PDP1: variants seen among roughly 807,000 people sequenced by gnomAD.
PDP1 encodes pyruvate dehyrogenase phosphatase catalytic subunit 1.
Under a neutral mutation model 37.1 loss-of-function variants are expected in PDP1, and 14 were observed. That is an observed-to-expected ratio of 0.38 (90% CI 0.25 to 0.59). The LOEUF (loss-of-function observed/expected upper bound fraction) is 0.59. Among genes scored for constraint, PDP1 ranks in the 20% least tolerant of loss-of-function variants. The pLI is 0.67. For synonymous variants in PDP1, 251 were observed against 243.3 expected (o/e 1.03, Z -0.29); for missense variants, 544 against 655.3 (o/e 0.83, Z 1.85).
chr8:93,918,754 T>G (rs1224683504), intron 1 of PDP1, among the ~76,000 whole-genome samples: 2 of 152,230 alleles, frequency 1.3e-5, no homozygotes, highest in Non-Finnish European at 2.9e-5. Context: ...GCAAAAGTTA[T>G]GATGTAGAGT....
Position 93,923,331 on chromosome 8 carries a change from G to A in PDP1, c.1272G>A (p.Met424Ile). Residue 424 changes from methionine to isoleucine, a missense_variant, in exon 2 of 2, where the codon ATG (methionine) becomes ATA (isoleucine). Physicochemically the swap from Met to Ile is conservative, Grantham distance 10. This residue lies in a region of PDP1 where 159 missense variants were observed against 165.5 expected (regional missense o/e 0.96). Transcript: ENST00000297598. The surrounding 1 kb of genome is among the most constrained non-coding windows in gnomAD (Gnocchi z 4.3). ...VLATDGLWET[M>I]HRQDVVRIVG... Reference sequence around the variant, plus strand: ...CTACTGATGGGTTGTGGGAGACTATGCATAGGCAGGATGTGGTTAGGATTG... The same window carrying A: ...CTACTGATGGGTTGTGGGAGACTATACATAGGCAGGATGTGGTTAGGATTG... 1 of 1,614,212 alleles carries A rather than the reference G, an allele frequency of 6.2e-7. No individual in the cohort carries two copies. The highest frequency in any genetic ancestry group is 1.1e-5 in the South Asian group (1 of 91,080).
chr8:93,917,295 G>C (rs1250998778), intron 1 of PDP1: 2 of 151,328 alleles, frequency 1.3e-5, no homozygotes, highest in African/African-American at 4.9e-5. Context: ...GCGGGGGCGG[G>C]GGCGCCGTGC....
Position 93,923,395 on chromosome 8 carries a change from A to G in PDP1, c.1336A>G (p.Ile446Val), listed in dbSNP as rs1271089455. ...AACTGGCATGCATCACCAACAGCCAATAGCTGTTGGTGGCTACAAGGTGAC... is the reference window on the plus strand; with the variant it reads ...AACTGGCATGCATCACCAACAGCCAGTAGCTGTTGGTGGCTACAAGGTGAC... Reference protein sequence around the residue: ...YLTGMHHQQPIAVGGYKVTLG... With the variant: ...YLTGMHHQQPVAVGGYKVTLG... Residue 446 changes from isoleucine (I) to valine (V), a missense_variant, in exon 2 of 2, where the codon ATA becomes GTA. By Grantham distance (29) the Ile-to-Val change is conservative (BLOSUM62 3). Coordinates refer to ENST00000297598, the MANE Select transcript of PDP1 (RefSeq NM_018444.4). The surrounding 1 kb of genome is among the most constrained non-coding windows in gnomAD (Gnocchi z 4.3). 1.2e-5 allele frequency: 19 copies of G among 1,609,056 alleles called. No homozygotes were observed. Among genetic ancestry groups the G allele is most frequent in the African/African-American group, 4.0e-5 (3 of 74,710 alleles).
chr8:93,919,031 C>G (rs1192575292), intron 1 of PDP1: 4 of 297,156 alleles, frequency 1.3e-5, no homozygotes, highest in Non-Finnish European at 2.0e-5. Context: ...TGTACTAAGC[C>G]TCTGCATAAC....
chr8:93,917,114 C>T (rs549284239), intron 1 of PDP1, 35 bp downstream of exon 1: 4 of 457,200 alleles, frequency 8.7e-6, no homozygotes, highest in African/African-American at 4.2e-5. Context: ...CGAGCCGCCC[C>T]GTCCGGGATC....
chr8:93,917,630 C>A, intron 1 of PDP1: 1 of 560,990 alleles, frequency 1.8e-6, no homozygotes, highest in Non-Finnish European at 3.1e-6. Flanking sequence ...CGCCTGGGCC[C>A]CGCTGCCTTG....
At chr8:93,917,764 G>A (rs1230007657) in intron 1 of PDP1, 3 of 1,541,624 alleles carry the variant, frequency 1.9e-6, no homozygotes, top group Non-Finnish European at 2.6e-6. Flanking sequence ...GGGCTGGAGC[G>A]AGACCTCGCC....
chr8:93,917,778 C>T (rs765979103), intron 1 of PDP1: 50 of 1,562,836 alleles, frequency 3.2e-5, no homozygotes, highest in Non-Finnish European at 4.2e-5. Context: ...CCTCGCCCCT[C>T]CTCCGCTCCC....
chr8:93,921,450 CAT>C (rs1786434759), intron 1 of PDP1: 1 of 392,148 alleles, frequency 2.6e-6, no homozygotes, highest in Admixed American at 6.4e-5. Flanking sequence ...TTACTGTAGT[CAT>C]ATATGTATAT....
Position 93,925,353 on chromosome 8 carries a change from T to A in PDP1, c.*1680T>A, listed in dbSNP as rs1810404544. The A allele has an allele frequency of 1.8e-5, 3 of 166,722 alleles. No individual in the cohort carries two copies. Among genetic ancestry groups the A allele is most frequent in the Non-Finnish European group, 4.4e-5 (3 of 68,048 alleles). 10.3% of individuals were successfully genotyped at this position (166,722 alleles called of 1,614,324 possible). ...TTTTTTTAAGTCAGCTTGGAACTTT[T>A]TTCCTGGGTAGTATTTGGGAGAGGG... is the stretch of plus-strand genomic sequence containing the variant. On this transcript the variant is annotated 3_prime_UTR_variant, in exon 2 of 2. Transcript: ENST00000297598.
At chr8:93,918,162 TG>T (rs1209117226) in intron 1 of PDP1, among the ~76,000 whole-genome samples, 1 of 152,192 alleles carries the variant, frequency 6.6e-6, no homozygotes, top group Non-Finnish European at 1.5e-5. Flanking sequence ...TACTGGCGTG[TG>T]GTGCTTCGTA....
intron 1 of PDP1, among the ~76,000 whole-genome samples, chr8:93,918,583 C>T (rs1014121634): frequency 1.3e-5 from 2 of 152,154 alleles, no homozygotes; most frequent in Admixed American, 6.5e-5. Context: ...CTACATACAA[C>T]GTGGCTGAGT....
At chr8:93,917,805 C>A in intron 1 of PDP1, 1 of 1,598,560 alleles carries the variant, frequency 6.3e-7, no homozygotes, top group Non-Finnish European at 8.5e-7. Flanking sequence ...CCGCCGCCGC[C>A]TCCTCTAATG....
At position 93,922,560 on chromosome 8, in the gene PDP1, G is replaced by A. The variant is rs755465648; in HGVS notation, c.501G>A (p.Leu167=). ...ERLFYYIAVS[L]LPHETLLEIE... Reference sequence around the variant, plus strand: ...TCTTTTATTATATTGCTGTCTCTTTGTTACCCCATGAGACTTTGCTAGAGA... The same window carrying A: ...TCTTTTATTATATTGCTGTCTCTTTATTACCCCATGAGACTTTGCTAGAGA... Residue 167 remains leucine, a synonymous_variant, in exon 2 of 2, where the codon TTG becomes TTA. Transcript: ENST00000297598. This position sits in a 1 kb window ranked among gnomAD's most constrained non-coding sequence, Gnocchi z 4.0. 10 of 1,613,938 alleles carry A rather than the reference G, an allele frequency of 6.2e-6. No homozygotes were observed. In the South Asian group the frequency reaches 1.1e-4, roughly 18 times the overall value.
Position 93,924,678 on chromosome 8 carries a change from G to T in PDP1, c.*1005G>T, listed in dbSNP as rs1441557830. On this transcript the variant is annotated 3_prime_UTR_variant, in exon 2 of 2. Transcript: ENST00000297598. The stretch of plus-strand genomic sequence containing the variant: ...GAGTAAGGTTTAATATTGCCATCGG[G>T]TATTGAGACAGGAGGAAGTTTCTGT... The T allele has an allele frequency of 6.0e-6, 1 of 167,034 alleles. No individual in the cohort carries two copies. Among genetic ancestry groups the T allele is most frequent in the African/African-American group, 2.4e-5 (1 of 41,442 alleles). The allele number at this position is 167,034 out of a possible 1,614,324, so 10.3% of individuals were successfully genotyped here.
At chr8:93,921,388 T>C in intron 1 of PDP1, 1 of 950,662 alleles carries the variant, frequency 1.1e-6, no homozygotes, top group South Asian at 4.9e-5. Flanking sequence ...TACTGGAATT[T>C]CTTTTTTTAT....
intron 1 of PDP1, chr8:93,917,858 T>G (rs1157694733): frequency 6.2e-7 from 1 of 1,613,720 alleles, no homozygotes; most frequent in Non-Finnish European, 8.5e-7. Context: ...CTGCTGTCGC[T>G]GCTGCTGCCC....
chr8:93,917,925 G>GTT, intron 1 of PDP1: 3 of 1,613,982 alleles, frequency 1.9e-6, no homozygotes, highest in South Asian at 1.1e-5. Context: ...ATGTGTGTGT[G>GTT]TCCCGGGCCC....
At chr8:93,920,919 A>G (rs1810249241) in intron 1 of PDP1, 13 of 977,116 alleles carry the variant, frequency 1.3e-5, no homozygotes, top group Non-Finnish European at 1.6e-5. Flanking sequence ...TCTAGGGGTT[A>G]ATTCTACTTT....
Sources: allele counts gnomAD v4.1 joint callset (sites outside exome capture counted in the v4.1 genomes callset), GRCh38; gene constraint gnomAD v4.1.1; regional missense constraint gnomAD v4.1.1; non-coding constraint Gnocchi (gnomAD v3.1); transcripts MANE v1.5; gene names NCBI Gene and HGNC (gene_info 2026-07-23, HGNC 2026-07-21).